AMN1: variants seen among roughly 807,000 people sequenced by gnomAD.
AMN1 encodes protein AMN1 homolog.
A neutral mutation model predicts 33.0 loss-of-function variants in AMN1; 20 were observed. The ratio of observed to expected loss-of-function variants is 0.61; its 90% CI spans 0.43 to 0.88. The LOEUF is 0.88. Among genes scored for constraint, AMN1 ranks in the 40% least tolerant of loss-of-function variants. The probability of loss-of-function intolerance (pLI) is 0.00; values close to 1 mark genes in which losing one functional copy is unlikely to be tolerated. For missense variants in AMN1, 246 were observed against 307.4 expected (o/e 0.80, Z 1.49); for synonymous variants, 114 against 111.9 (o/e 1.02, Z -0.12).
At chr12:31,694,551 C>T (rs1445222329) in intron 5 of AMN1, among the ~76,000 whole-genome samples, 1 of 151,708 alleles carries the variant, frequency 6.6e-6, no homozygotes, top group East Asian at 1.9e-4. Flanking sequence ...AGTTCAAGAT[C>T]ATCCTGGGCA....
chr12:31,723,546 G>A (rs906037194), intron 1 of AMN1, among the ~76,000 whole-genome samples: 2 of 152,002 alleles, frequency 1.3e-5, no homozygotes, highest in Non-Finnish European at 2.9e-5. Context: ...TCCTGACCTC[G>A]TGATCCACCC....
intron 5 of AMN1, among the ~76,000 whole-genome samples, chr12:31,696,059 A>G (rs970516615): frequency 2.7e-4 from 41 of 151,632 alleles, no homozygotes; most frequent in Non-Finnish European, 4.7e-4. Context: ...CCTAGCCAAC[A>G]TGGCAAAACC....
chr12:31,709,141 C>T, intron 2 of AMN1, 152 bp downstream of exon 2: 2 of 854,668 alleles, frequency 2.3e-6, no homozygotes, highest in Non-Finnish European at 3.7e-6. Context: ...CACCACTGTA[C>T]TCCAGCCTGG....
intron 1 of AMN1, among the ~76,000 whole-genome samples, chr12:31,722,345 T>G (rs1939909577): frequency 6.6e-6 from 1 of 152,240 alleles, no homozygotes; most frequent in Non-Finnish European, 1.5e-5. Context: ...GCGCAGAGGT[T>G]GCTCAACAAT....
chr12:31,716,960 A>C (rs1939698765), intron 1 of AMN1, among the ~76,000 whole-genome samples: 2 of 152,152 alleles, frequency 1.3e-5, no homozygotes, highest in South Asian at 4.1e-4. Context: ...AGAATTCACT[A>C]AGTTTATTGT....
intron 5 of AMN1, among the ~76,000 whole-genome samples, chr12:31,693,108 C>A (rs1200964687): frequency 6.6e-6 from 1 of 152,102 alleles, no homozygotes; most frequent in Non-Finnish European, 1.5e-5. Flanking sequence ...TCACTCTGTT[C>A]CCCAAGCTGG....
chr12:31,698,532 A>T (rs1434786592), intron 3 of AMN1, among the ~76,000 whole-genome samples: 3 of 150,192 alleles, frequency 2.0e-5, no homozygotes, highest in Non-Finnish European at 4.4e-5. Context: ...AAAAAAGAGA[A>T]GTCTTTAAAT....
At chr12:31,702,302 C>T (rs755855022) in intron 2 of AMN1, among the ~76,000 whole-genome samples, 1 of 152,172 alleles carries the variant, frequency 6.6e-6, no homozygotes, top group Non-Finnish European at 1.5e-5. Flanking sequence ...ACCAATGTGG[C>T]AGTGAGTAAT....
chr12:31,697,130 G>T (rs10734798), intron 5 of AMN1, among the ~76,000 whole-genome samples: 146,121 of 152,140 alleles, frequency 0.96, 70,459 homozygotes, highest in East Asian at 1. Context: ...CTAAAACTTC[G>T]GGGAAATAAG....
intron 3 of AMN1, among the ~76,000 whole-genome samples, chr12:31,699,252 A>C (rs924334621): frequency 4.0e-5 from 6 of 151,706 alleles, no homozygotes; most frequent in African/African-American, 1.5e-4. Flanking sequence ...TTAGCTGGGC[A>C]TGGTGTTACA....
intron 1 of AMN1, among the ~76,000 whole-genome samples, chr12:31,711,921 T>A (rs1392445464): frequency 6.6e-6 from 1 of 152,140 alleles, no homozygotes; most frequent in Non-Finnish European, 1.5e-5. Flanking sequence ...GATATCCACT[T>A]TTTTTTAGTT....
chr12:31,682,963 CTTTT>C (rs34868408), intron 6 of AMN1, among the ~76,000 whole-genome samples: 1 of 137,838 alleles, frequency 7.3e-6, no homozygotes, highest in Non-Finnish European at 1.6e-5. Flanking sequence ...GTATGCTATT[CTTTT>C]TTTTTTTTTT....
chr12:31,722,987 T>C (rs1939930863), intron 1 of AMN1, among the ~76,000 whole-genome samples: 1 of 152,072 alleles, frequency 6.6e-6, no homozygotes, highest in Non-Finnish European at 1.5e-5. Context: ...TGAGACCCTG[T>C]CTCTACTAAA....
intron 1 of AMN1, among the ~76,000 whole-genome samples, chr12:31,720,467 G>C (rs149750611): frequency 6.6e-6 from 1 of 152,010 alleles, no homozygotes; most frequent in African/African-American, 2.4e-5. Context: ...TTGAACCATG[G>C]AGGAAGAGGT....
chr12:31,678,465 C>T (rs1185750031), intron 6 of AMN1, among the ~76,000 whole-genome samples: 2 of 151,572 alleles, frequency 1.3e-5, no homozygotes, highest in Non-Finnish European at 2.9e-5. Context: ...GGTGTCATCT[C>T]AGCTCACTGC....
At position 31,699,820 on chromosome 12, in the gene AMN1, T is replaced by TG. The variant is rs1938912275; in HGVS notation, c.317-1864dup. Among the ~76,000 whole-genome samples the TG allele has an allele frequency of 5.9e-5, 9 of 152,198 alleles. No individual in the cohort carries two copies. The South Asian group carries it at 1.9e-3, about 32-fold the overall frequency. On this transcript the variant is annotated intron_variant, in intron 3 of 6. Transcript: ENST00000281471. ...CTTGTGGGACTGAGCCCTTAACTTGTGGGATCTGAGGCTAACTCCAGGTAG... is the reference window on the plus strand; with the variant it reads ...CTTGTGGGACTGAGCCCTTAACTTGTGGGGATCTGAGGCTAACTCCAGGTAG...
In AMN1 at chr12:31,694,882, T is replaced by C. The variant is rs558341387; in HGVS notation, c.591+2479A>G. Among the ~76,000 whole-genome samples, 20 of 151,892 alleles carry C rather than the reference T, an allele frequency of 1.3e-4. No homozygotes were observed. The South Asian group carries it at 1.9e-3, about 14-fold the overall frequency. ...ACTTTAGGAAGTCAAGACAGGAGGA[T>C]CACTGAGGCCAGGAGTTTGAGACCA... On this transcript the variant is annotated intron_variant, in intron 5 of 6. Transcript: ENST00000281471.
chr12:31,688,254 A>G (rs1464815557), intron 6 of AMN1, among the ~76,000 whole-genome samples: 1 of 152,190 alleles, frequency 6.6e-6, no homozygotes, highest in Non-Finnish European at 1.5e-5. Flanking sequence ...ACGCCCGGCT[A>G]TTCTGATCCT....
chr12:31,704,916 G>T (rs1346528231), intron 2 of AMN1, among the ~76,000 whole-genome samples: 1 of 152,116 alleles, frequency 6.6e-6, no homozygotes, highest in African/African-American at 2.4e-5. Context: ...TGTGGATGGT[G>T]GAAAAGTGAA....
Sources: allele counts gnomAD v4.1 joint callset (sites outside exome capture counted in the v4.1 genomes callset), GRCh38; gene constraint gnomAD v4.1.1; transcripts MANE v1.5; gene names NCBI Gene and HGNC (gene_info 2026-07-23, HGNC 2026-07-21).